CCDC88A: variants seen among roughly 807,000 people sequenced by gnomAD.
The protein encoded by CCDC88A is coiled-coil and HOOK domain protein 88A.
CCDC88A carries 54 observed loss-of-function variants against 234.3 expected under a neutral mutation model. That is an observed-to-expected ratio of 0.23 (90% CI 0.19 to 0.29). The LOEUF (loss-of-function observed/expected upper bound fraction) is 0.29, where lower values mean the gene tolerates loss of function less well. Among genes scored for constraint, CCDC88A ranks in the 10% least tolerant of loss-of-function variants. The pLI, the probability that CCDC88A is intolerant of heterozygous loss-of-function variation, is 1.00. For missense variants in CCDC88A, 1,832 were observed against 2,123.4 expected (o/e 0.86, Z 2.70); for synonymous variants, 753 against 737.8 (o/e 1.02, Z -0.33).
chr2:55,295,881 G>C lies in CCDC88A; in HGVS notation c.5267C>G (p.Pro1756Arg). The C allele has an allele frequency of 6.2e-7, 1 of 1,614,074 alleles. No individual in the cohort carries two copies. The highest frequency in any genetic ancestry group is 8.5e-7 in the Non-Finnish European group (1 of 1,180,020). Residue 1756 changes from proline to arginine, a missense_variant, in exon 31 of 33, where the codon CCT becomes CGT. Physicochemically the swap from Pro to Arg is moderately radical, Grantham distance 103. Coordinates refer to ENST00000436346, the MANE Select transcript of CCDC88A (RefSeq NM_001365480.1). Reference sequence around the variant, plus strand: ...GGTATCTTCAGTTTTTCGAGGACCAGGTCTCAAAAACTCAGGCTTAGTTGT... The same window carrying C: ...GGTATCTTCAGTTTTTCGAGGACCACGTCTCAAAAACTCAGGCTTAGTTGT... ...RRTTKPEFLR[P>R]GPRKTEDTYF...
rs193243641 is a variant in CCDC88A at position 55,361,669 on chromosome 2, C to G, written c.627+639G>C. ...CTGCAGAATGGCAGAGTACTTTGCT[C>G]TGCTATTAAGAAAATATTACCCACC... On this transcript the variant is annotated intron_variant, in intron 7 of 32. Transcript: ENST00000436346. Among the ~76,000 whole-genome samples the G allele has an allele frequency of 2.6e-5, 4 of 152,256 alleles. No individual in the cohort carries two copies. The East Asian group carries it at 7.7e-4, about 29-fold the overall frequency.
intron 5 of CCDC88A, among the ~76,000 whole-genome samples, chr2:55,370,426 G>C (rs1262604496): frequency 6.6e-6 from 1 of 151,988 alleles, no homozygotes. Flanking sequence ...CAGATCACCT[G>C]AGGTCAGGGT....
intron 2 of CCDC88A, among the ~76,000 whole-genome samples, chr2:55,410,018 G>A (rs935791220): frequency 6.6e-6 from 1 of 152,114 alleles, no homozygotes; most frequent in Non-Finnish European, 1.5e-5. Context: ...TGGGATTACA[G>A]GTGTGAGCCC....
At chr2:55,347,967 C>CT (rs1048361807) in intron 9 of CCDC88A, among the ~76,000 whole-genome samples, 162 of 143,394 alleles carry the variant, frequency 1.1e-3, no homozygotes, top group Non-Finnish European at 1.9e-3. Context: ...TTTTTAATGA[C>CT]TTTTTTTTTT....
chr2:55,394,658 T>G (rs1574444338), intron 2 of CCDC88A: 2 of 65,334 alleles, frequency 3.1e-5, no homozygotes, highest in Admixed American at 2.4e-4. Context: ...GGGACTGTTG[T>G]GGGGTGGGGG....
chr2:55,311,075 A>G (rs763528720), intron 23 of CCDC88A, among the ~76,000 whole-genome samples: 4 of 152,224 alleles, frequency 2.6e-5, no homozygotes, highest in Non-Finnish European at 5.9e-5. Flanking sequence ...TGTATTAGTC[A>G]CCAAGGGTCA....
At chr2:55,333,443 T>C (rs1269627072) in intron 15 of CCDC88A, among the ~76,000 whole-genome samples, 1 of 152,176 alleles carries the variant, frequency 6.6e-6, no homozygotes, top group Non-Finnish European at 1.5e-5. Context: ...TGCTCAGTGT[T>C]GAATGGTTGA....
intron 23 of CCDC88A, 87 bp downstream of exon 23, chr2:55,312,347 T>A (rs1682449274): frequency 2.5e-6 from 3 of 1,194,388 alleles, no homozygotes; most frequent in African/African-American, 3.0e-5. Flanking sequence ...TCAGTAAAAA[T>A]TAGCATGAAT....
intron 3 of CCDC88A, among the ~76,000 whole-genome samples, chr2:55,375,524 T>C (rs1273975723): frequency 2.4e-5 from 2 of 81,700 alleles, no homozygotes; most frequent in Non-Finnish European, 5.7e-5. Flanking sequence ...TATGTATGTA[T>C]AAATATGTTG....
At chr2:55,344,695 A>G (rs1246136758) in intron 10 of CCDC88A, among the ~76,000 whole-genome samples, 181 bp from the exon 11 acceptor site, 1 of 152,176 alleles carries the variant, frequency 6.6e-6, no homozygotes, top group Non-Finnish European at 1.5e-5. Flanking sequence ...AATGCAAACA[A>G]AACACTCAGT....
intron 16 of CCDC88A, chr2:55,330,104 T>C (rs1684740591): frequency 6.6e-6 from 1 of 152,092 alleles, no homozygotes; most frequent in Non-Finnish European, 1.5e-5. Context: ...TACTTATACA[T>C]TCGATTCCAA....
At chr2:55,303,222 G>GTTGC in intron 25 of CCDC88A, 70 bp from the exon 26 acceptor site, 1 of 891,102 alleles carries the variant, frequency 1.1e-6, no homozygotes, top group Non-Finnish European at 1.8e-6. Context: ...GAACAGATGG[G>GTTGC]AGTTAAATGT....
At chr2:55,300,768 C>G (rs1173501351) in intron 28 of CCDC88A, 5 of 154,556 alleles carry the variant, frequency 3.2e-5, no homozygotes, top group African/African-American at 1.2e-4. Flanking sequence ...GCCGTGGCCT[C>G]CCAAAGTGCT....
At chr2:55,406,434 A>G (rs889773427) in intron 2 of CCDC88A, among the ~76,000 whole-genome samples, 3 of 152,018 alleles carry the variant, frequency 2.0e-5, no homozygotes, top group Non-Finnish European at 2.9e-5. Flanking sequence ...CTCATCCTCC[A>G]CTACTTTGTA....
At chr2:55,349,318 T>A (rs367894099) in intron 9 of CCDC88A, 200 bp downstream of exon 9, 31 of 535,258 alleles carry the variant, frequency 5.8e-5, no homozygotes, top group East Asian at 3.9e-4. Flanking sequence ...TAGCAGAGTT[T>A]GAACAGCATT....
Position 55,328,652 on chromosome 2 carries a change from G to C in CCDC88A, c.2856-217C>G, listed in dbSNP as rs1684544796. ...AAATCATTGAGTGAACAGAGCTCCG[G>C]ATTATGGCTTAGATTATCAAAAGCA... On this transcript the variant is annotated intron_variant, in intron 16 of 32. Transcript: ENST00000436346. This position sits in a 1 kb window ranked among gnomAD's most constrained non-coding sequence, Gnocchi z 4.3. 2 of 343,928 alleles carry C rather than the reference G, an allele frequency of 5.8e-6. No homozygotes were observed. Among genetic ancestry groups the C allele is most frequent in the Admixed American group, 4.9e-5 (1 of 20,530 alleles). The allele number at this position is 343,928 out of a possible 1,614,324, so 21.3% of individuals were successfully genotyped here.
chr2:55,330,998 A>G (rs1297129960), intron 16 of CCDC88A, among the ~76,000 whole-genome samples: 1 of 152,238 alleles, frequency 6.6e-6, no homozygotes, highest in African/African-American at 2.4e-5. Flanking sequence ...TGATCAGCAG[A>G]TAAGAAGAGC....
chr2:55,291,177 G>A lies in CCDC88A; in HGVS notation c.*36-13C>T, dbSNP rs944644244. ...GACACTTTTCTCTCTGTATTTAGTT[G>A]GAAGGTAGAAAGAAGAAAGAAAATA... On this transcript the variant is annotated splice_polypyrimidine_tract_variant and intron_variant, in intron 32 of 32. Coordinates refer to ENST00000436346, the MANE Select transcript of CCDC88A (RefSeq NM_001365480.1). 1.3e-5 allele frequency: 2 copies of A among 152,530 alleles called. No individual in the cohort carries two copies. Among genetic ancestry groups the A allele is most frequent in the African/African-American group, 4.8e-5 (2 of 41,542 alleles). The allele number at this position is 152,530 out of a possible 1,614,324, so 9.4% of individuals were successfully genotyped here. A position where few individuals can be genotyped will look rare whatever the true frequency, so the allele number is the denominator to read the frequency against.
intron 31 of CCDC88A, 78 bp from the exon 32 acceptor site, chr2:55,291,853 C>T: frequency 9.2e-7 from 1 of 1,084,304 alleles, no homozygotes; most frequent in Admixed American, 1.8e-5. Context: ...AATACACTCT[C>T]ACTGAGTAGG....
Sources: gnomAD v4.1 joint callset for allele counts (sites outside exome capture counted in the v4.1 genomes callset) on GRCh38, gnomAD v4.1.1 for gene constraint, Gnocchi (gnomAD v3.1) non-coding constraint, MANE v1.5 for transcripts, NCBI Gene and HGNC (gene_info 2026-07-23, HGNC 2026-07-21) for gene names.